Variants in MROH7 observed in about 807,000 individuals in gnomAD.
MROH7 encodes the protein maestro heat like repeat family member 7.
Under a neutral mutation model 129.2 loss-of-function variants are expected in MROH7, and 113 were observed. The ratio of observed to expected loss-of-function variants is 0.87; its 90% CI spans 0.75 to 1.02. The LOEUF (loss-of-function observed/expected upper bound fraction) is 1.02. Among genes scored for constraint, MROH7 ranks in the 50% least tolerant of loss-of-function variants. The pLI is 0.00. For missense variants in MROH7, 1,601 were observed against 1,671.3 expected, an observed-to-expected ratio of 0.96 and a Z score of 0.73; for synonymous variants, 655 against 667.9, an observed-to-expected ratio of 0.98 and a Z score of 0.30.
intron 1 of MROH7, among the ~76,000 whole-genome samples, chr1:54,646,423 T>C (rs1569844233): frequency 6.6e-6 from 1 of 152,210 alleles, no homozygotes; most frequent in East Asian, 1.9e-4. Flanking sequence ...GCTTCTGTGG[T>C]GCCCAGTTTG....
chr1:54,663,683 T>G, intron 3 of MROH7: 1 of 360,216 alleles, frequency 2.8e-6, no homozygotes, highest in Non-Finnish European at 5.2e-6. Context: ...CCCCATCAGC[T>G]CTAAAAAAAA....
chr1:54,683,547 AG>A (rs897482954), intron 14 of MROH7, among the ~76,000 whole-genome samples: 2 of 152,258 alleles, frequency 1.3e-5, no homozygotes, highest in African/African-American at 4.8e-5. Flanking sequence ...GCAGCCAAAA[AG>A]TCTTTGAGAA....
At chr1:54,654,184 A>G (rs1386442509) in intron 3 of MROH7, 27 bp downstream of exon 3, 1 of 1,559,782 alleles carries the variant, frequency 6.4e-7, no homozygotes, top group Admixed American at 1.9e-5. Context: ...AGCCCTAGAG[A>G]GAGCACTGTC....
chr1:54,673,073 T>G lies in MROH7; in HGVS notation c.1600-18T>G, dbSNP rs773693478. On this transcript the variant is annotated intron_variant, in intron 7 of 23. Coordinates refer to ENST00000421030, the MANE Select transcript of MROH7 (RefSeq NM_001039464.4). ...CTCCAGAGGTGCCTTAGTGGCTTGG[T>G]CCTCCTCCCATCCACAGGCTCTTTA... is the stretch of plus-strand genomic sequence containing the variant. The G allele has an allele frequency of 6.2e-7, 1 of 1,600,922 alleles. No individual in the cohort carries two copies. Among genetic ancestry groups the G allele is most frequent in the African/African-American group, 1.3e-5 (1 of 74,702 alleles).
At chr1:54,673,495 C>T (rs937392751) in intron 8 of MROH7, among the ~76,000 whole-genome samples, 1 of 152,136 alleles carries the variant, frequency 6.6e-6, no homozygotes, top group African/African-American at 2.4e-5. Context: ...TCATCTGTCT[C>T]CTCATTGACT....
At chr1:54,671,643 G>C (rs1569909281) in intron 7 of MROH7, among the ~76,000 whole-genome samples, 1 of 152,186 alleles carries the variant, frequency 6.6e-6, no homozygotes, top group Non-Finnish European at 1.5e-5. Context: ...AGGGGTGGAG[G>C]TGACCCTCAG....
intron 10 of MROH7, among the ~76,000 whole-genome samples, chr1:54,675,911 C>T (rs146705285): frequency 0.011 from 1,630 of 151,986 alleles, 27 homozygotes; most frequent in African/African-American, 0.037. Context: ...GCTGGGATTA[C>T]AGGCGTGCAC....
Position 54,682,806 on chromosome 1 carries a change from G to A in MROH7, c.2520+12G>A, listed in dbSNP as rs777156137. Reference sequence around the variant, plus strand: ...TCGTGCCCCTGGCGGTGAGCACCCAGTCAGCCAGCCCCTATTGCTGCCTGT... The same window carrying A: ...TCGTGCCCCTGGCGGTGAGCACCCAATCAGCCAGCCCCTATTGCTGCCTGT... On this transcript the variant is annotated intron_variant, in intron 14 of 23. Transcript: ENST00000421030. The A allele has an allele frequency of 1.2e-6, 2 of 1,608,082 alleles. No homozygotes were observed. The highest frequency in any genetic ancestry group is 1.7e-5 in the Admixed American group (1 of 59,864).
In MROH7 at chr1:54,710,123, C is replaced by G; in HGVS notation, c.3908C>G (p.Ser1303Cys). The change falls in exon 24 of 24, where the codon TCC (serine) becomes TGC (cysteine). Residue 1303 changes from serine to cysteine, a missense_variant. Ser to Cys is a moderately radical substitution (Grantham distance 112, BLOSUM62 -1). Transcript: ENST00000421030. Reference protein sequence around the residue: ...WSPSCENLPTSHQRRSWIMQA... With the variant: ...WSPSCENLPTCHQRRSWIMQA... ...CCCAGCTGTGAGAACCTGCCCACTTCCCACCAGCGGCGCTCCTGGATCATG... is the reference window on the plus strand; with the variant it reads ...CCCAGCTGTGAGAACCTGCCCACTTGCCACCAGCGGCGCTCCTGGATCATG... The G allele has an allele frequency of 6.2e-7, 1 of 1,613,958 alleles. No individual in the cohort carries two copies. The highest frequency in any genetic ancestry group is 8.5e-7 in the Non-Finnish European group (1 of 1,180,010).
At chr1:54,678,277 G>T (rs1645013127) in intron 10 of MROH7, among the ~76,000 whole-genome samples, 1 of 152,190 alleles carries the variant, frequency 6.6e-6, no homozygotes, top group Non-Finnish European at 1.5e-5. Context: ...ATGCTTAGTA[G>T]CTGGCAATAA....
rs745453032 is a variant in MROH7, at chr1:54,710,103, C to T, written c.3888C>T (p.Ser1296=). 2 of 1,614,048 alleles carry T rather than the reference C, an allele frequency of 1.2e-6. No homozygotes were observed. The highest frequency in any genetic ancestry group is 2.2e-5 in the South Asian group (2 of 91,076). The stretch of plus-strand genomic sequence containing the variant: ...CCACCACCCACCGCTGGAGCCCCAG[C>T]TGTGAGAACCTGCCCACTTCCCACC... ...YSATTHRWSP[S]CENLPTSHQR... is the part of the protein sequence containing the mutation. The change falls in exon 24 of 24, where the codon AGC becomes AGT. Residue 1296 remains serine, a synonymous_variant. Transcript: ENST00000421030.
At chr1:54,692,876 T>G (rs534082551) in intron 16 of MROH7, among the ~76,000 whole-genome samples, 1 of 152,318 alleles carries the variant, frequency 6.6e-6, no homozygotes, top group Admixed American at 6.5e-5. Context: ...GTTGTTGAGG[T>G]GTGGCCTTGG....
intron 3 of MROH7, among the ~76,000 whole-genome samples, chr1:54,664,505 G>A (rs912660247): frequency 2.6e-5 from 4 of 152,194 alleles, no homozygotes; most frequent in Non-Finnish European, 4.4e-5. Flanking sequence ...AAGGCCCTGA[G>A]GGGAAATGTG....
intron 13 of MROH7, among the ~76,000 whole-genome samples, chr1:54,680,696 C>T (rs931254232): frequency 6.6e-6 from 1 of 152,202 alleles, no homozygotes; most frequent in African/African-American, 2.4e-5. Context: ...GCCTCAGCCT[C>T]CCACCCAGGA....
At chr1:54,665,104 C>A in intron 3 of MROH7, 63 bp from the exon 4 acceptor site, 3 of 1,286,240 alleles carry the variant, frequency 2.3e-6, no homozygotes, top group Non-Finnish European at 2.3e-6. Context: ...AGAGAGATGG[C>A]ATGATGGCAT....
intron 17 of MROH7, 37 bp from the exon 18 acceptor site, chr1:54,700,284 C>G (rs556407854): frequency 8.1e-6 from 13 of 1,613,458 alleles, no homozygotes; most frequent in African/African-American, 2.7e-5. Flanking sequence ...GCCCTGCCCC[C>G]CTCAGCCTGG....
rs555351574 is a variant in MROH7 at position 54,674,151 on chromosome 1, C to T, written c.1936C>T (p.Arg646Ter). Residue 646 changes from arginine (R) to a stop codon, truncating the protein, a stop_gained and splice_region_variant, in exon 10 of 24, where the codon CGA (arginine) becomes TGA (stop). Coordinates refer to ENST00000421030, the MANE Select transcript of MROH7 (RefSeq NM_001039464.4). LOFTEE classifies it high-confidence loss of function. ...ILYTILELQK[R>*]ARDKEETNKK... ...CTACACTATTCTGGAGCTCCAAAAA[C>T]GTAAGCCCTATCGGAGTACTTCTGA... 53 of 1,612,758 alleles carry T rather than the reference C, an allele frequency of 3.3e-5. No homozygotes were observed. The highest frequency in any genetic ancestry group is 3.4e-5 in the Non-Finnish European group (40 of 1,179,582).
At chr1:54,665,052 T>C in intron 3 of MROH7, 115 bp from the exon 4 acceptor site, 1 of 702,826 alleles carries the variant, frequency 1.4e-6, no homozygotes, top group Non-Finnish European at 2.5e-6. Context: ...TCAGTGTGGC[T>C]GCTGGGGTGG....
In MROH7 at chr1:54,686,401, C is replaced by T. The variant is rs780560442; in HGVS notation, c.2664C>T (p.Pro888=). 2 of 1,614,144 alleles carry T rather than the reference C, an allele frequency of 1.2e-6. No individual in the cohort carries two copies. Among genetic ancestry groups the T allele is most frequent in the South Asian group, 2.2e-5 (2 of 91,072 alleles). ...ACCTGCCTGGCTGCGTGGCTCCTCCCAAGGACACCAAGAAGGGTGCACAGC... is the reference window on the plus strand; with the variant it reads ...ACCTGCCTGGCTGCGTGGCTCCTCCTAAGGACACCAAGAAGGGTGCACAGC... ...GLNLPGCVAP[P]KDTKKGAQPS... is the part of the protein sequence containing the mutation. Residue 888 remains proline, a synonymous_variant, in exon 15 of 24, where the codon CCC becomes CCT. Coordinates refer to ENST00000421030, the MANE Select transcript of MROH7 (RefSeq NM_001039464.4).
Sources: allele counts gnomAD v4.1 joint callset (sites outside exome capture counted in the v4.1 genomes callset), GRCh38; gene constraint gnomAD v4.1.1; transcripts MANE v1.5; gene names NCBI Gene and HGNC (gene_info 2026-07-23, HGNC 2026-07-21).